SUPT3H: variants seen among roughly 807,000 people sequenced by gnomAD.
SUPT3H encodes the protein transcription initiation protein SPT3 homolog.
In SUPT3H, 44 loss-of-function variants were observed where a neutral mutation model predicts 44.3. The observed-to-expected ratio is 0.99, with a 90% CI of 0.78 to 1.28. SUPT3H has a LOEUF of 1.28. Among genes scored for constraint, SUPT3H ranks in the 50% most tolerant of loss-of-function variants. SUPT3H has a pLI of 0.00. For missense variants in SUPT3H, 380 were observed against 387.1 expected (o/e 0.98, Z 0.15); for synonymous variants, 124 against 125.6 (o/e 0.99, Z 0.09).
At chr6:44,957,501 G>C (rs1775386978) in intron 7 of SUPT3H, among the ~76,000 whole-genome samples, 1 of 152,102 alleles carries the variant, frequency 6.6e-6, no homozygotes, top group Non-Finnish European at 1.5e-5. Flanking sequence ...CAAGATCAAT[G>C]AGATGTACAT....
At chr6:44,905,244 T>C (rs1414381952) in intron 10 of SUPT3H, among the ~76,000 whole-genome samples, 2 of 152,054 alleles carry the variant, frequency 1.3e-5, no homozygotes, top group Non-Finnish European at 2.9e-5. Context: ...ACCTACAGAA[T>C]GGAAGAAAAT....
At chr6:45,122,301 CA>C (rs1041598975) in intron 2 of SUPT3H, among the ~76,000 whole-genome samples, 3 of 151,894 alleles carry the variant, frequency 2.0e-5, no homozygotes, top group South Asian at 2.1e-4. Flanking sequence ...TAATCCATAA[CA>C]AAAAAATATT....
chr6:45,128,503 CAAAAA>C (rs1168489460), intron 2 of SUPT3H, among the ~76,000 whole-genome samples: 26 of 12,434 alleles, frequency 2.1e-3, no homozygotes, highest in African/African-American at 3.7e-3. Context: ...GACTCTGTCT[CAAAAA>C]AAAAAAAAAA....
At chr6:44,884,412 T>C (rs1778783542) in intron 10 of SUPT3H, among the ~76,000 whole-genome samples, 1 of 152,174 alleles carries the variant, frequency 6.6e-6, no homozygotes, top group Non-Finnish European at 1.5e-5. Flanking sequence ...GGTGGGAGTG[T>C]AAATCAGTTC....
chr6:45,296,191 C>T (rs544267339), intron 2 of SUPT3H, among the ~76,000 whole-genome samples: 60 of 135,548 alleles, frequency 4.4e-4, no homozygotes, highest in African/African-American at 1.4e-3. Context: ...ATACTACACA[C>T]ACACACACAC....
chr6:45,026,721 T>C (rs1786062542), intron 3 of SUPT3H, among the ~76,000 whole-genome samples: 1 of 152,158 alleles, frequency 6.6e-6, no homozygotes, highest in African/African-American at 2.4e-5. Flanking sequence ...AATACTTGTT[T>C]TATTTTTCAG....
intron 3 of SUPT3H, among the ~76,000 whole-genome samples, chr6:45,074,814 T>C (rs1392590739): frequency 2.6e-5 from 4 of 152,102 alleles, no homozygotes; most frequent in Non-Finnish European, 4.4e-5. Flanking sequence ...GTTAATCTTA[T>C]GTATACAAAT....
Position 45,031,763 on chromosome 6 carries a change from C to T in SUPT3H, c.187-11131G>A, listed in dbSNP as rs571659939. ...AAAGAGGAACCATAAGAAAGAATGG[C>T]GCAACTTGGTAAGGTGCAGATGGGA... is the stretch of plus-strand genomic sequence containing the variant. On this transcript the variant is annotated intron_variant, in intron 3 of 10. Coordinates refer to ENST00000371459, the MANE Select transcript of SUPT3H (RefSeq NM_003599.4). 1.7e-4 allele frequency among the ~76,000 whole-genome samples: 26 copies of T among 152,120 alleles called. 1 individual carries two copies. In the South Asian group the frequency reaches 3.5e-3, roughly 21 times the overall value.
At chr6:44,900,741 C>A (rs988050772) in intron 10 of SUPT3H, among the ~76,000 whole-genome samples, 9 of 152,284 alleles carry the variant, frequency 5.9e-5, no homozygotes, top group African/African-American at 1.2e-4. Context: ...GGGTCCCTGA[C>A]CCCCAAGTAG....
chr6:44,836,296 T>C (rs1769869721), intron 10 of SUPT3H, among the ~76,000 whole-genome samples: 1 of 152,190 alleles, frequency 6.6e-6, no homozygotes, highest in Non-Finnish European at 1.5e-5. Flanking sequence ...CCATATGATA[T>C]ATAGCACTGT....
chr6:45,040,693 C>T (rs1788395490), intron 3 of SUPT3H, among the ~76,000 whole-genome samples: 1 of 152,126 alleles, frequency 6.6e-6, no homozygotes, highest in African/African-American at 2.4e-5. Context: ...AATAATAATA[C>T]TAATTACCAA....
At chr6:45,102,192 C>A (rs1160602339) in intron 3 of SUPT3H, among the ~76,000 whole-genome samples, 1 of 152,094 alleles carries the variant, frequency 6.6e-6, no homozygotes. Flanking sequence ...ATACTGGTTA[C>A]ACAGTATTCT....
intron 11 of SUPT3H, among the ~76,000 whole-genome samples, chr6:44,811,918 C>T (rs867410959): frequency 1.6e-4 from 23 of 147,200 alleles, no homozygotes; most frequent in Admixed American, 2.0e-4. Context: ...TTTCCTAGTT[C>T]TTCTCACAAC....
intron 10 of SUPT3H, among the ~76,000 whole-genome samples, chr6:44,832,250 T>A (rs1271570677): frequency 6.6e-6 from 1 of 152,164 alleles, no homozygotes; most frequent in East Asian, 1.9e-4. Flanking sequence ...TCTATTTGTG[T>A]TGCAAATGTT....
intron 2 of SUPT3H, among the ~76,000 whole-genome samples, chr6:45,154,748 A>C (rs528613013): frequency 6.6e-6 from 1 of 152,184 alleles, no homozygotes; most frequent in Non-Finnish European, 1.5e-5. Flanking sequence ...AATGAGGAAG[A>C]ATATGTAGCA....
chr6:45,081,459 T>C (rs1795801008), intron 3 of SUPT3H, among the ~76,000 whole-genome samples: 1 of 152,132 alleles, frequency 6.6e-6, no homozygotes. Context: ...TATGTGATAC[T>C]ATTTATTCAT....
chr6:45,109,835 AT>A (rs1296753734), intron 2 of SUPT3H, among the ~76,000 whole-genome samples: 3 of 152,000 alleles, frequency 2.0e-5, no homozygotes, highest in Non-Finnish European at 4.4e-5. Context: ...AACTATTTTG[AT>A]TTTTTTCCCC....
chr6:45,241,590 G>A (rs991917710), intron 2 of SUPT3H, among the ~76,000 whole-genome samples: 10 of 152,114 alleles, frequency 6.6e-5, no homozygotes, highest in African/African-American at 2.4e-4. Context: ...TCTCAGTTCT[G>A]AAGGCTGTGA....
intron 11 of SUPT3H, among the ~76,000 whole-genome samples, chr6:44,817,619 A>G (rs1766996751): frequency 6.6e-6 from 1 of 152,218 alleles, no homozygotes; most frequent in Non-Finnish European, 1.5e-5. Flanking sequence ...TATTAGAGCT[A>G]GTAAGTTCAG....
Sources: gnomAD v4.1 joint callset for allele counts (sites outside exome capture counted in the v4.1 genomes callset) on GRCh38, gnomAD v4.1.1 for gene constraint, MANE v1.5 for transcripts, NCBI Gene and HGNC (gene_info 2026-07-23, HGNC 2026-07-21) for gene names.